Variants in RUNX2 observed in about 807,000 individuals in gnomAD.
RUNX2 encodes runt-related transcription factor 2.
Under a neutral mutation model 51.7 loss-of-function variants are expected in RUNX2, and 10 were observed. That is an observed-to-expected ratio of 0.19 (90% CI 0.12 to 0.33). The LOEUF is 0.33. Ranked by LOEUF, RUNX2 falls within the 10% of genes least tolerant of loss-of-function variation. RUNX2 has a pLI of 1.00. For synonymous variants in RUNX2, 276 were observed against 273.6 expected, an observed-to-expected ratio of 1.01 and a Z score of -0.09; for missense variants, 562 against 691.3, an observed-to-expected ratio of 0.81 and a Z score of 2.10.
intron 2 of RUNX2, among the ~76,000 whole-genome samples, chr6:45,360,532 A>G: frequency 6.6e-6 from 1 of 152,240 alleles, no homozygotes; most frequent in East Asian, 1.9e-4. Context: ...GAGACTATAC[A>G]TATCAGGGCT....
chr6:45,540,520 G>A (rs1325202427), intron 7 of RUNX2, among the ~76,000 whole-genome samples: 1 of 152,048 alleles, frequency 6.6e-6, no homozygotes, highest in Non-Finnish European at 1.5e-5. Context: ...ATGCCTGCAG[G>A]TTTCCGTGTC....
At chr6:45,403,929 C>T (rs1797774945) in intron 2 of RUNX2, among the ~76,000 whole-genome samples, 1 of 152,044 alleles carries the variant, frequency 6.6e-6, no homozygotes, top group African/African-American at 2.4e-5. Flanking sequence ...TCTCCCATAC[C>T]TGATCTGGGG....
intron 5 of RUNX2, among the ~76,000 whole-genome samples, chr6:45,442,180 C>A (rs372105735): frequency 2.4e-3 from 368 of 152,242 alleles, no homozygotes; most frequent in South Asian, 0.014. Flanking sequence ...TCTTAAGTAG[C>A]GTAAACATGA....
intron 2 of RUNX2, among the ~76,000 whole-genome samples, chr6:45,405,034 T>C (rs1451310741): frequency 6.6e-6 from 1 of 152,276 alleles, no homozygotes; most frequent in East Asian, 1.9e-4. Context: ...CATTAACTCA[T>C]GTAAATAACC....
At chr6:45,418,222 A>G (rs1259299816) in intron 2 of RUNX2, among the ~76,000 whole-genome samples, 2 of 152,220 alleles carry the variant, frequency 1.3e-5, no homozygotes, top group African/African-American at 4.8e-5. Context: ...AACCAGGATA[A>G]AAGGCCTATG....
intron 4 of RUNX2, among the ~76,000 whole-genome samples, chr6:45,434,764 C>T (rs1156900158): frequency 6.6e-6 from 1 of 151,942 alleles, no homozygotes; most frequent in African/African-American, 2.4e-5. Context: ...AATTAGTTAT[C>T]TACTGACTGC....
At position 45,331,068 on chromosome 6, in the gene RUNX2, C is replaced by A. The variant is rs543611402; in HGVS notation, c.58+2284C>A. 6.2e-4 allele frequency among the ~76,000 whole-genome samples: 95 copies of A among 152,008 alleles called. 1 individual carries two copies. The South Asian group carries it at 0.019, about 30-fold the overall frequency. ...ATTTTCCTAGGTGAGGTACAAAGCA[C>A]ACATTAACAACTGCTTCACCTCAAA... On this transcript the variant is annotated intron_variant, in intron 2 of 8. Transcript: ENST00000647337.
In RUNX2 at chr6:45,458,632, G is replaced by A. The variant is rs545104867; in HGVS notation, c.685+20581G>A. ...AAATTTTGATTATTTTTCCTCTCTG[G>A]TATAAGACATTTCAGTAAAAATATA... On this transcript the variant is annotated intron_variant, in intron 5 of 8. Coordinates refer to ENST00000647337, the MANE Select transcript of RUNX2 (RefSeq NM_001024630.4). Among the ~76,000 whole-genome samples, 12 of 152,116 alleles carry A rather than the reference G, an allele frequency of 7.9e-5. No individual in the cohort carries two copies. The South Asian group carries it at 2.3e-3, about 29-fold the overall frequency.
At chr6:45,446,945 G>C (rs1013251718) in intron 5 of RUNX2, among the ~76,000 whole-genome samples, 6 of 152,146 alleles carry the variant, frequency 3.9e-5, no homozygotes, top group African/African-American at 1.4e-4. Flanking sequence ...CAAAGGAAGG[G>C]CTCCAGTTCT....
intron 5 of RUNX2, among the ~76,000 whole-genome samples, chr6:45,445,111 A>T (rs916030145): frequency 5.3e-5 from 8 of 151,688 alleles, no homozygotes; most frequent in Non-Finnish European, 1.2e-4. Flanking sequence ...TGCAACCTCC[A>T]CCTCCTGGGT....
intron 2 of RUNX2, among the ~76,000 whole-genome samples, chr6:45,360,824 G>C (rs984145654): frequency 6.6e-6 from 1 of 152,122 alleles, no homozygotes; most frequent in Non-Finnish European, 1.5e-5. Flanking sequence ...CCTAAACGTA[G>C]GTAGCTTATC....
At chr6:45,458,739 A>G (rs1262939452) in intron 5 of RUNX2, among the ~76,000 whole-genome samples, 1 of 152,216 alleles carries the variant, frequency 6.6e-6, no homozygotes, top group African/African-American at 2.4e-5. Flanking sequence ...CATAAAACTC[A>G]TATGTAATAA....
At chr6:45,332,449 C>T (rs1030301025) in intron 2 of RUNX2, among the ~76,000 whole-genome samples, 3 of 151,656 alleles carry the variant, frequency 2.0e-5, no homozygotes, top group Admixed American at 6.6e-5. Flanking sequence ...ATGATGCACC[C>T]GTGCATACTT....
chr6:45,363,913 T>C (rs1019843389), intron 2 of RUNX2, among the ~76,000 whole-genome samples: 7 of 151,846 alleles, frequency 4.6e-5, no homozygotes, highest in Non-Finnish European at 1.0e-4. Flanking sequence ...TTTTAAATTC[T>C]AAGTAATTCT....
chr6:45,542,973 T>G (rs1030674444), intron 7 of RUNX2, among the ~76,000 whole-genome samples: 1 of 152,214 alleles, frequency 6.6e-6, no homozygotes, highest in Non-Finnish European at 1.5e-5. Context: ...GACTTTTCCA[T>G]CAGAGTTCCT....
intron 5 of RUNX2, among the ~76,000 whole-genome samples, chr6:45,443,282 C>T (rs548826781): frequency 7.2e-5 from 11 of 152,114 alleles, no homozygotes; most frequent in South Asian, 4.2e-4. Flanking sequence ...AACTCCTGGC[C>T]TCAAGTGATC....
At chr6:45,477,765 C>T (rs1275879539) in intron 5 of RUNX2, among the ~76,000 whole-genome samples, 1 of 152,218 alleles carries the variant, frequency 6.6e-6, no homozygotes, top group African/African-American at 2.4e-5. Context: ...AACTGCACTC[C>T]CTTCTAAATC....
chr6:45,378,653 C>T (rs1458230348), intron 2 of RUNX2, among the ~76,000 whole-genome samples: 2 of 148,962 alleles, frequency 1.3e-5, no homozygotes, highest in African/African-American at 2.4e-5. Context: ...ACTTTTTCTA[C>T]TTGAAGGCTT....
intron 2 of RUNX2, among the ~76,000 whole-genome samples, chr6:45,405,455 C>T (rs1206572000): frequency 1.3e-5 from 2 of 152,174 alleles, no homozygotes; most frequent in African/African-American, 2.4e-5. Context: ...CATCTCCTTC[C>T]AACCCATTGT....
Sources: allele counts gnomAD v4.1 joint callset (sites outside exome capture counted in the v4.1 genomes callset), GRCh38; gene constraint gnomAD v4.1.1; transcripts MANE v1.5; gene names NCBI Gene and HGNC (gene_info 2026-07-23, HGNC 2026-07-21).